The following HOOK3 variants were observed in gnomAD, a reference collection of about 807,000 sequenced individuals.
The protein encoded by HOOK3 is protein Hook homolog 3.
HOOK3 carries 24 observed loss-of-function variants against 116.3 expected under a neutral mutation model. The observed-to-expected ratio is 0.21, with a 90% CI of 0.15 to 0.29. The LOEUF (loss-of-function observed/expected upper bound fraction) is 0.29, where lower values mean the gene tolerates loss of function less well. HOOK3 is among the 10% of genes least tolerant of loss of function. The pLI is 1.00. For synonymous variants in HOOK3, 275 were observed against 283.0 expected (o/e 0.97, Z 0.28); for missense variants, 632 against 830.2 (o/e 0.76, Z 2.93).
intron 4 of HOOK3, among the ~76,000 whole-genome samples, chr8:42,931,683 C>T (rs377066220): frequency 9.2e-5 from 14 of 151,866 alleles, no homozygotes; most frequent in Non-Finnish European, 1.9e-4. Context: ...CTGCCCGCCT[C>T]GGCCTCCCAG....
rs544269519 is a variant in HOOK3 at position 43,020,143 on chromosome 8, T to C, written c.*1645T>C. On this transcript the variant is annotated 3_prime_UTR_variant, in exon 22 of 22. Transcript: ENST00000307602. The stretch of plus-strand genomic sequence containing the variant: ...CAGAAGCCGTAGTTGAAGAAAGATA[T>C]TAGAGTATACACAGAACTGGAGCCA... 5.0e-6 allele frequency: 1 copy of C among 199,246 alleles called. No homozygotes were observed. The highest frequency in any genetic ancestry group is 1.0e-5 in the Non-Finnish European group (1 of 96,508). The allele number at this position is 199,246 out of a possible 1,614,324, so 12.3% of individuals were successfully genotyped here.
intron 15 of HOOK3, among the ~76,000 whole-genome samples, chr8:42,988,973 C>A (rs1403219195): frequency 6.6e-6 from 1 of 152,026 alleles, no homozygotes; most frequent in African/African-American, 2.4e-5. Flanking sequence ...ACATTGGGTC[C>A]CACTGAGTCT....
At chr8:42,975,687 G>T (rs1451153818) in intron 13 of HOOK3, among the ~76,000 whole-genome samples, 1 of 152,160 alleles carries the variant, frequency 6.6e-6, no homozygotes, top group Non-Finnish European at 1.5e-5. Flanking sequence ...TGTAATAGAG[G>T]TATTCTAATA....
chr8:42,974,131 C>T lies in HOOK3; in HGVS notation c.1258C>T (p.Leu420=). ...KDRLRTERDS[L]KETIEELRCV... is the part of the protein sequence containing the mutation. The stretch of plus-strand genomic sequence containing the variant: ...GAGGCTGAGAACAGAAAGGGATTCT[C>T]TGAAGGAAACCATTGAAGAGCTTCG... The change falls in exon 13 of 22, where the codon CTG becomes TTG. Residue 420 remains leucine, a synonymous_variant. Coordinates refer to ENST00000307602, the MANE Select transcript of HOOK3 (RefSeq NM_032410.4). 1 of 1,613,918 alleles carries T rather than the reference C, an allele frequency of 6.2e-7. No individual in the cohort carries two copies. Among genetic ancestry groups the T allele is most frequent in the Middle Eastern group, 1.7e-4 (1 of 6,060 alleles).
In HOOK3 at chr8:42,939,496, G is replaced by A. The variant is rs553064260; in HGVS notation, c.268-3817G>A. ...CGGGCAGAGGCGCCCCTCACCTCCC[G>A]GACGGGGCGGCTGGCCGGGCGGGGG... On this transcript the variant is annotated intron_variant, in intron 4 of 21. Transcript: ENST00000307602. 9.8e-5 allele frequency among the ~76,000 whole-genome samples: 14 copies of A among 143,296 alleles called. No individual in the cohort carries two copies. The South Asian group carries it at 1.1e-3, about 12-fold the overall frequency. The allele number at this position is 143,296 out of a possible 152,430, so 94.0% of individuals were successfully genotyped here.
intron 21 of HOOK3, among the ~76,000 whole-genome samples, chr8:43,017,664 T>G (rs1470203182): frequency 1.3e-5 from 2 of 152,158 alleles, no homozygotes; most frequent in Non-Finnish European, 2.9e-5. Flanking sequence ...CTTTAGTAAG[T>G]AGTGTCATTA....
rs564931177 is a variant in HOOK3 at position 43,022,685 on chromosome 8, A to G, written c.*4187A>G. The G allele has an allele frequency of 2.1e-4, 39 of 181,774 alleles. No individual in the cohort carries two copies. The highest frequency in any genetic ancestry group is 8.5e-4 in the African/African-American group (36 of 42,578). The allele number at this position is 181,774 out of a possible 1,614,324, so 11.3% of individuals were successfully genotyped here. A position where few individuals can be genotyped will look rare whatever the true frequency, so the allele number is the denominator to read the frequency against. On this transcript the variant is annotated 3_prime_UTR_variant, in exon 22 of 22. Transcript: ENST00000307602. ...TTTGAAAAACTCCGTCATATCTTTT[A>G]CCATTTGTCTATTTGATAGTAATGC...
Position 43,021,152 on chromosome 8 carries a change from C to G in HOOK3, c.*2654C>G, listed in dbSNP as rs555140620. The stretch of plus-strand genomic sequence containing the variant: ...AAAAAAACAGTCTGTGAACTACTCA[C>G]TGAATGAATTTTGTTCTGTGAGATG... On this transcript the variant is annotated 3_prime_UTR_variant, in exon 22 of 22. Transcript: ENST00000307602. The G allele has an allele frequency of 4.6e-4, 74 of 160,972 alleles. 2 individuals carry two copies. The South Asian group carries it at 0.016, about 34-fold the overall frequency. The allele number at this position is 160,972 out of a possible 1,614,324, so 10.0% of individuals were successfully genotyped here. A position where few individuals can be genotyped will look rare whatever the true frequency, so the allele number is the denominator to read the frequency against.
chr8:42,971,159 G>C (rs1808720247), intron 11 of HOOK3, among the ~76,000 whole-genome samples: 2 of 151,974 alleles, frequency 1.3e-5, no homozygotes, highest in African/African-American at 4.8e-5. Context: ...GTACAACTTG[G>C]AGTAAAAATA....
chr8:43,013,778 C>T (rs1463203223), intron 21 of HOOK3, among the ~76,000 whole-genome samples: 1 of 152,134 alleles, frequency 6.6e-6, no homozygotes, highest in African/African-American at 2.4e-5. Flanking sequence ...TAGTTTATCT[C>T]ATGGGGTTTG....
In HOOK3 at chr8:43,013,465, C is replaced by T. The variant is rs1046062972; in HGVS notation, c.2016+65C>T. ...TGAATATGTAATACTTATTATATTC[C>T]CTTTACTGTAGAAGTCACTCTACCA... On this transcript the variant is annotated intron_variant, in intron 21 of 21. Transcript: ENST00000307602. The T allele has an allele frequency of 3.9e-6, 5 of 1,272,488 alleles. No homozygotes were observed. In the African/African-American group the frequency reaches 7.6e-5, roughly 19 times the overall value. 78.8% of individuals were successfully genotyped at this position (1,272,488 alleles called of 1,614,324 possible). A position where few individuals can be genotyped will look rare whatever the true frequency, so the allele number is the denominator to read the frequency against.
intron 2 of HOOK3, among the ~76,000 whole-genome samples, chr8:42,917,999 A>C (rs908446243): frequency 6.6e-6 from 1 of 152,240 alleles, no homozygotes; most frequent in Non-Finnish European, 1.5e-5. Flanking sequence ...TCTGTAAAAA[A>C]CACTAAAATT....
intron 2 of HOOK3, among the ~76,000 whole-genome samples, chr8:42,919,036 C>T (rs903845185): frequency 1.1e-4 from 16 of 147,732 alleles, no homozygotes; most frequent in South Asian, 4.4e-4. Flanking sequence ...GGTGGCTGGC[C>T]GGGCGGGGGC....
intron 13 of HOOK3, among the ~76,000 whole-genome samples, chr8:42,981,343 A>G (rs1249515725): frequency 6.6e-6 from 1 of 151,926 alleles, no homozygotes; most frequent in Non-Finnish European, 1.5e-5. Flanking sequence ...ATGAGCCACC[A>G]CACCCAGCCA....
intron 6 of HOOK3, among the ~76,000 whole-genome samples, chr8:42,956,223 CGTGTGTGTGT>C (rs61448463): frequency 1.4e-3 from 187 of 135,882 alleles, no homozygotes; most frequent in African/African-American, 4.6e-3. Context: ...AGGATTAGGG[CGTGTGTGTGT>C]GTGTGTGTGT....
In HOOK3 at chr8:43,027,904, C is replaced by CT. The variant is rs1184199848; in HGVS notation, c.*9410dup. On this transcript the variant is annotated 3_prime_UTR_variant, in exon 22 of 22. Coordinates refer to ENST00000307602, the MANE Select transcript of HOOK3 (RefSeq NM_032410.4). ...TTGCCAAAAATGCTATTCAACAGCA[C>CT]TTTTATTGCCCAGAGAGAAAATAAG... 4 of 198,934 alleles carry CT rather than the reference C, an allele frequency of 2.0e-5. No homozygotes were observed. Among genetic ancestry groups the CT allele is most frequent in the African/African-American group, 9.2e-5 (4 of 43,472 alleles). 12.3% of individuals were successfully genotyped at this position (198,934 alleles called of 1,614,324 possible).
In HOOK3 at chr8:43,029,965, A is replaced by G. The variant is rs1052503429; in HGVS notation, c.*11467A>G. 1 of 213,962 alleles carries G rather than the reference A, an allele frequency of 4.7e-6. No homozygotes were observed. Among genetic ancestry groups the G allele is most frequent in the African/African-American group, 2.3e-5 (1 of 44,266 alleles). 13.3% of individuals were successfully genotyped at this position (213,962 alleles called of 1,614,324 possible). ...TTGCAAAAAGGATATTGCTAGGTAT[A>G]TTCTTATTTCTGATTGAGTATTGAA... On this transcript the variant is annotated 3_prime_UTR_variant, in exon 22 of 22. Transcript: ENST00000307602.
At chr8:42,922,395 G>A (rs1443956379) in intron 2 of HOOK3, among the ~76,000 whole-genome samples, 1 of 151,398 alleles carries the variant, frequency 6.6e-6, no homozygotes, top group Non-Finnish European at 1.5e-5. Context: ...AAAAAAGAAA[G>A]AAAAAAATTT....
intron 8 of HOOK3, among the ~76,000 whole-genome samples, chr8:42,960,634 C>T (rs1808518241): frequency 6.6e-6 from 1 of 152,128 alleles, no homozygotes; most frequent in Admixed American, 6.5e-5. Context: ...CATCTAGAAC[C>T]ACTTCTACAG....
Sources: gnomAD v4.1 joint callset for allele counts (sites outside exome capture counted in the v4.1 genomes callset) on GRCh38, gnomAD v4.1.1 for gene constraint, MANE v1.5 for transcripts, NCBI Gene and HGNC (gene_info 2026-07-23, HGNC 2026-07-21) for gene names.